The following MACROD2 variants were observed in gnomAD, a reference collection of about 807,000 sequenced individuals.
MACROD2 encodes the protein mono-ADP ribosylhydrolase 2.
Under a neutral mutation model 70.4 loss-of-function variants are expected in MACROD2, and 36 were observed. The ratio of observed to expected loss-of-function variants is 0.51; its 90% CI spans 0.39 to 0.68. The LOEUF (loss-of-function observed/expected upper bound fraction) is 0.68. MACROD2 is among the 30% of genes least tolerant of loss of function. The probability of loss-of-function intolerance (pLI) is 0.00; values close to 1 mark genes in which losing one functional copy is unlikely to be tolerated. For missense variants in MACROD2, 496 were observed against 538.4 expected (o/e 0.92, Z 0.78); for synonymous variants, 172 against 178.8 (o/e 0.96, Z 0.30).
intron 4 of MACROD2, among the ~76,000 whole-genome samples, chr20:14,521,114 A>C (rs1430904195): frequency 2.6e-5 from 4 of 152,214 alleles, no homozygotes; most frequent in Admixed American, 2.6e-4. Flanking sequence ...TTCCCCAAGC[A>C]AAATACCTCA....
intron 3 of MACROD2, among the ~76,000 whole-genome samples, chr20:14,467,588 A>G (rs969873800): frequency 1.3e-5 from 2 of 152,010 alleles, no homozygotes; most frequent in Non-Finnish European, 2.9e-5. Context: ...ACCCGGTTGG[A>G]AATGCAGAAA....
intron 12 of MACROD2, among the ~76,000 whole-genome samples, chr20:15,965,581 C>T (rs1455931070): frequency 2.0e-5 from 3 of 152,060 alleles, no homozygotes; most frequent in Non-Finnish European, 4.4e-5. Context: ...TGGTACAAGA[C>T]TAAATATCAA....
intron 6 of MACROD2, among the ~76,000 whole-genome samples, chr20:15,381,732 G>T (rs1016025816): frequency 1.3e-5 from 2 of 152,112 alleles, no homozygotes; most frequent in African/African-American, 4.8e-5. Flanking sequence ...TAAGAAGAAA[G>T]GCTTTAGTGA....
chr20:15,222,480 G>T (rs777584244), intron 5 of MACROD2, among the ~76,000 whole-genome samples: 9 of 152,178 alleles, frequency 5.9e-5, no homozygotes, highest in Middle Eastern at 6.8e-3. Flanking sequence ...ATATAAATTG[G>T]CCAGTAAGAT....
intron 5 of MACROD2, among the ~76,000 whole-genome samples, chr20:15,002,891 A>C (rs1043351763): frequency 2.0e-5 from 3 of 152,214 alleles, no homozygotes; most frequent in Non-Finnish European, 4.4e-5. Flanking sequence ...TCTTTTAAAA[A>C]ATATGAAATT....
chr20:15,531,297 AAT>A (rs1289395400), intron 8 of MACROD2, among the ~76,000 whole-genome samples: 1 of 150,534 alleles, frequency 6.6e-6, no homozygotes, highest in Non-Finnish European at 1.5e-5. Context: ...ATTTTTACAA[AAT>A]ATGATTTAAT....
chr20:15,977,660 C>G (rs375471559), intron 13 of MACROD2, among the ~76,000 whole-genome samples: 2 of 152,116 alleles, frequency 1.3e-5, no homozygotes, highest in African/African-American at 4.8e-5. Context: ...ATGAATAAAA[C>G]AAAATTTCTC....
Position 14,387,233 on chromosome 20 carries a change from A to G in MACROD2, c.272-106246A>G, listed in dbSNP as rs532476206. Among the ~76,000 whole-genome samples, 25 of 152,290 alleles carry G rather than the reference A, an allele frequency of 1.6e-4. No individual in the cohort carries two copies. The South Asian group carries it at 4.8e-3, about 29-fold the overall frequency. ...TTTTCTGTTTCTTTGTATGCTTTGT[A>G]ATTTTTTGTTGAGAACTGGACATTT... is the stretch of plus-strand genomic sequence containing the variant. On this transcript the variant is annotated intron_variant, in intron 3 of 17. Coordinates refer to ENST00000684519, the MANE Select transcript of MACROD2 (RefSeq NM_001351661.2).
chr20:14,163,848 C>T (rs1440663187), intron 3 of MACROD2, among the ~76,000 whole-genome samples: 1 of 151,476 alleles, frequency 6.6e-6, no homozygotes, highest in East Asian at 2.0e-4. Context: ...ATTTATATCC[C>T]AAATATCTGG....
At chr20:15,893,582 A>T (rs8118541) in intron 10 of MACROD2, 57,211 of 400,246 alleles carry the variant, frequency 0.14, 5,253 homozygotes, top group East Asian at 0.43. Flanking sequence ...CATACAATTC[A>T]TTCAAATTTT....
chr20:15,595,830 A>T (rs1342049973), intron 8 of MACROD2, among the ~76,000 whole-genome samples: 4 of 151,922 alleles, frequency 2.6e-5, no homozygotes, highest in Non-Finnish European at 2.9e-5. Flanking sequence ...TGGCACACTA[A>T]TAGAGGCAGT....
chr20:14,066,548 A>G (rs968216361), intron 2 of MACROD2, among the ~76,000 whole-genome samples: 2 of 152,198 alleles, frequency 1.3e-5, no homozygotes, highest in African/African-American at 2.4e-5. Flanking sequence ...AAATTTCAAA[A>G]TTTTACCCAA....
chr20:15,029,649 A>C (rs772298421), intron 5 of MACROD2, among the ~76,000 whole-genome samples: 1 of 152,184 alleles, frequency 6.6e-6, no homozygotes, highest in Admixed American at 6.5e-5. Flanking sequence ...CCCTCTACCA[A>C]TCATTATAAT....
chr20:14,217,819 A>G (rs2081636398), intron 3 of MACROD2, among the ~76,000 whole-genome samples: 2 of 152,094 alleles, frequency 1.3e-5, no homozygotes, highest in Non-Finnish European at 2.9e-5. Context: ...GTAGCCTTGA[A>G]TGATCTTTCA....
chr20:14,873,942 C>T (rs1344754427), intron 5 of MACROD2, among the ~76,000 whole-genome samples: 3 of 152,068 alleles, frequency 2.0e-5, no homozygotes, highest in Non-Finnish European at 4.4e-5. Flanking sequence ...GATGTTGGTA[C>T]TTTAACAGAT....
intron 8 of MACROD2, among the ~76,000 whole-genome samples, chr20:15,521,099 G>A (rs899254742): frequency 1.3e-5 from 2 of 152,262 alleles, no homozygotes; most frequent in Middle Eastern, 3.4e-3. Flanking sequence ...TTTCTCCTGG[G>A]TGACTTGCCC....
rs79631846 is a variant in MACROD2, at chr20:15,218,497, A to G, written c.419-11443A>G. Among the ~76,000 whole-genome samples the G allele has an allele frequency of 1.2e-3, 188 of 152,282 alleles. 1 individual carries two copies. In the East Asian group the frequency reaches 0.032, roughly 26 times the overall value. ...ACTACTGTCATGATTTTGCATGGGAATTCATGTTCCCAAAGAATATCTCTT... is the reference window on the plus strand; with the variant it reads ...ACTACTGTCATGATTTTGCATGGGAGTTCATGTTCCCAAAGAATATCTCTT... On this transcript the variant is annotated intron_variant, in intron 5 of 17. Coordinates refer to ENST00000684519, the MANE Select transcript of MACROD2 (RefSeq NM_001351661.2).
At chr20:16,000,623 G>A (rs1042952250) in intron 15 of MACROD2, among the ~76,000 whole-genome samples, 5 of 152,088 alleles carry the variant, frequency 3.3e-5, no homozygotes, top group Admixed American at 1.3e-4. Context: ...GCCACTGTAC[G>A]TAGAGTTCAT....
At position 15,886,851 on chromosome 20, in the gene MACROD2, A is replaced by C. The variant is rs182874070; in HGVS notation, c.775+1040A>C. Among the ~76,000 whole-genome samples the C allele has an allele frequency of 3.5e-3, 527 of 152,278 alleles. 3 individuals carry two copies. The highest frequency in any genetic ancestry group is 0.012 in the African/African-American group (510 of 41,574). ...TCTTTGGAGGATTAAATCAGATAAC[A>C]TACCTAAAGTTTCATACAGTGCTTG... On this transcript the variant is annotated intron_variant, in intron 10 of 17. Coordinates refer to ENST00000684519, the MANE Select transcript of MACROD2 (RefSeq NM_001351661.2).
Sources: gnomAD v4.1 joint callset for allele counts (sites outside exome capture counted in the v4.1 genomes callset) on GRCh38, gnomAD v4.1.1 for gene constraint, MANE v1.5 for transcripts, NCBI Gene and HGNC (gene_info 2026-07-23, HGNC 2026-07-21) for gene names.